Variants in KL observed in about 807,000 individuals in gnomAD.
KL encodes alpha-klotho.
Under a neutral mutation model 84.2 loss-of-function variants are expected in KL, and 62 were observed. That is an observed-to-expected ratio of 0.74 (90% CI 0.60 to 0.91). The LOEUF (loss-of-function observed/expected upper bound fraction) is 0.91. Among genes scored for constraint, KL ranks in the 40% least tolerant of loss-of-function variants. The pLI is 0.00. For missense variants in KL, 1,261 were observed against 1,305.7 expected (o/e 0.97, Z 0.53); for synonymous variants, 528 against 528.0 (o/e 1.00, Z 0.00).
At position 33,017,206 on chromosome 13, in the gene KL, G is replaced by C. The variant is rs747760000; in HGVS notation, c.766G>C (p.Gly256Arg). 1 of 1,595,070 alleles carries C rather than the reference G, an allele frequency of 6.3e-7. No individual in the cohort carries two copies. The highest frequency in any genetic ancestry group is 8.5e-7 in the Non-Finnish European group (1 of 1,177,844). Residue 256 changes from glycine (G) to arginine (R), a missense_variant, in exon 1 of 5, where the codon GGC becomes CGC. Transcript: ENST00000380099. ...HGYATGRLAP[G>R]IRGSPRLGYL... ...CTACGCCACCGGGCGCCTGGCCCCC[G>C]GCATCCGGGGCAGCCCGCGGCTCGG...
chr13:33,023,287 A>C (rs1241990856), intron 1 of KL, among the ~76,000 whole-genome samples: 3 of 152,222 alleles, frequency 2.0e-5, no homozygotes, highest in Non-Finnish European at 4.4e-5. Flanking sequence ...TGAGAATTAA[A>C]AGCACCTTAT....
In KL at chr13:33,061,276, G is replaced by A. The variant is rs1872184762; in HGVS notation, c.2197G>A (p.Asp733Asn). Residue 733 changes from aspartate (D) to asparagine (N), a missense_variant, in exon 4 of 5, where the codon GAT becomes AAT. Coordinates refer to ENST00000380099, the MANE Select transcript of KL (RefSeq NM_004795.4). Reference sequence around the variant, plus strand: ...GAAAATATCCATAGCCTTGCAGGCTGATTGGATAGAACCTGCCTGCCCTTT... The same window carrying A: ...GAAAATATCCATAGCCTTGCAGGCTAATTGGATAGAACCTGCCTGCCCTTT... Reference protein sequence around the residue: ...NGKISIALQADWIEPACPFSQ... With the variant: ...NGKISIALQANWIEPACPFSQ... 1 of 1,614,228 alleles carries A rather than the reference G, an allele frequency of 6.2e-7. No individual in the cohort carries two copies. Among genetic ancestry groups the A allele is most frequent in the Non-Finnish European group, 8.5e-7 (1 of 1,180,042 alleles).
chr13:33,024,670 C>G (rs1030611857), intron 1 of KL, among the ~76,000 whole-genome samples: 13 of 152,220 alleles, frequency 8.5e-5, no homozygotes, highest in African/African-American at 2.9e-4. Context: ...GGATGCTGCT[C>G]TTCCCCGCCT....
At chr13:33,022,197 C>T (rs982082754) in intron 1 of KL, among the ~76,000 whole-genome samples, 4 of 152,224 alleles carry the variant, frequency 2.6e-5, no homozygotes, top group African/African-American at 9.6e-5. Flanking sequence ...GTCAATGCAC[C>T]TTCTCAGGTG....
intron 1 of KL, among the ~76,000 whole-genome samples, chr13:33,025,388 G>A (rs1233324282): frequency 4.6e-5 from 7 of 152,172 alleles, no homozygotes; most frequent in Admixed American, 4.6e-4. Context: ...TTAATGAATG[G>A]GCACAGCTGT....
In KL at chr13:33,017,139, C is replaced by G; in HGVS notation, c.699C>G (p.Tyr233Ter). The G allele has an allele frequency of 6.2e-7, 1 of 1,603,016 alleles. No individual in the cohort carries two copies. The highest frequency in any genetic ancestry group is 8.5e-7 in the Non-Finnish European group (1 of 1,179,796). Residue 233 changes from tyrosine to a stop codon, truncating the protein, a stop_gained, in exon 1 of 5, where the codon TAC becomes TAG. Coordinates refer to ENST00000380099, the MANE Select transcript of KL (RefSeq NM_004795.4). LOFTEE classifies it high-confidence loss of function. ...GCCACTTCGGCGGTCAGGTCAAGTA[C>G]TGGATCACCATCGACAACCCCTACG... ...CFRHFGGQVK[Y>*]WITIDNPYVV...
At position 33,038,084 on chromosome 13, in the gene KL, AATGCAT is replaced by A. The variant is rs1593797276; in HGVS notation, c.820-15682_820-15677del. ...TTCCACATCCAGCTGTTCACATTCT[AATGCAT>A]TCTGCAATGGATGATTTTGAGCATA... On this transcript the variant is annotated intron_variant, in intron 1 of 4. Coordinates refer to ENST00000380099, the MANE Select transcript of KL (RefSeq NM_004795.4). 2.0e-5 allele frequency among the ~76,000 whole-genome samples: 3 copies of A among 152,334 alleles called. No individual in the cohort carries two copies. The East Asian group carries it at 5.8e-4, about 29-fold the overall frequency.
chr13:33,045,550 G>A (rs940839315), intron 1 of KL, among the ~76,000 whole-genome samples: 1 of 151,968 alleles, frequency 6.6e-6, no homozygotes. Flanking sequence ...GCGTGATCTC[G>A]GCTCATCACA....
At chr13:33,031,889 C>T (rs1870985287) in intron 1 of KL, among the ~76,000 whole-genome samples, 1 of 151,994 alleles carries the variant, frequency 6.6e-6, no homozygotes, top group Non-Finnish European at 1.5e-5. Flanking sequence ...AAACCCATAC[C>T]ACTGGATAAT....
At chr13:33,062,644 G>A (rs1872251780) in intron 4 of KL, among the ~76,000 whole-genome samples, 1 of 119,458 alleles carries the variant, frequency 8.4e-6, no homozygotes, top group Non-Finnish European at 1.6e-5. Context: ...TTGCACTCCA[G>A]CCTGGGTGAC....
chr13:33,016,820 A>G lies in KL; in HGVS notation c.380A>G (p.Asp127Gly), dbSNP rs777489022. ...CCCGCCACCGGGGACGTAGCCAGCG[A>G]CAGCTACAACAACGTCTTCCGCGAC... ...LQPATGDVAS[D>G]SYNNVFRDTE... The change falls in exon 1 of 5, where the codon GAC becomes GGC. Residue 127 changes from aspartate (D) to glycine (G), a missense_variant. Asp to Gly is a moderately conservative substitution (Grantham distance 94). Coordinates refer to ENST00000380099, the MANE Select transcript of KL (RefSeq NM_004795.4). 3 of 1,612,570 alleles carry G rather than the reference A, an allele frequency of 1.9e-6. No individual in the cohort carries two copies. Among genetic ancestry groups the G allele is most frequent in the Non-Finnish European group, 2.5e-6 (3 of 1,179,786 alleles).
At chr13:33,017,359 C>T in intron 1 of KL, 100 bp downstream of exon 1, 1 of 1,134,476 alleles carries the variant, frequency 8.8e-7, no homozygotes, top group South Asian at 1.6e-5. Flanking sequence ...CCAGACGAGG[C>T]TTCACTTGGA....
intron 1 of KL, among the ~76,000 whole-genome samples, chr13:33,018,200 T>A (rs1297663253): frequency 6.6e-6 from 1 of 152,212 alleles, no homozygotes; most frequent in African/African-American, 2.4e-5. Context: ...CACAATAAAA[T>A]ATTTTATGTA....
At chr13:33,044,949 A>G (rs1246514456) in intron 1 of KL, among the ~76,000 whole-genome samples, 1 of 152,156 alleles carries the variant, frequency 6.6e-6, no homozygotes, top group Non-Finnish European at 1.5e-5. Flanking sequence ...AATGAACAAC[A>G]AAGTTTGTTT....
At position 33,016,599 on chromosome 13, in the gene KL, C is replaced by A; in HGVS notation, c.159C>A (p.Ala53=). ...ARFSRPPAPE[A]AGLFQGTFPD... ...TCTCGCGGCCTCCTGCCCCCGAGGC[C>A]GCGGGCCTCTTCCAGGGCACCTTCC... The change falls in exon 1 of 5, where the codon GCC becomes GCA. Residue 53 remains alanine, a synonymous_variant. Coordinates refer to ENST00000380099, the MANE Select transcript of KL (RefSeq NM_004795.4). 6.6e-7 allele frequency: 1 copy of A among 1,512,100 alleles called. No homozygotes were observed. The highest frequency in any genetic ancestry group is 8.9e-7 in the Non-Finnish European group (1 of 1,129,694). The allele number at this position is 1,512,100 out of a possible 1,614,324, so 93.7% of individuals were successfully genotyped here. A position where few individuals can be genotyped will look rare whatever the true frequency, so the allele number is the denominator to read the frequency against.
At chr13:33,030,799 G>A (rs1474295218) in intron 1 of KL, among the ~76,000 whole-genome samples, 2 of 152,018 alleles carry the variant, frequency 1.3e-5, no homozygotes, top group Non-Finnish European at 2.9e-5. Context: ...AACTGAAACA[G>A]GAACCATCAG....
chr13:33,024,568 T>A (rs1870690898), intron 1 of KL, among the ~76,000 whole-genome samples: 1 of 152,304 alleles, frequency 6.6e-6, no homozygotes. Context: ...TTTGTAGGGC[T>A]CTTTTCGTGA....
chr13:33,025,735 G>A (rs996755254), intron 1 of KL, among the ~76,000 whole-genome samples: 1 of 152,102 alleles, frequency 6.6e-6, no homozygotes, highest in Non-Finnish European at 1.5e-5. Context: ...TGTTCATGCC[G>A]CCCAAGATTG....
chr13:33,033,737 G>A (rs1055200869), intron 1 of KL, among the ~76,000 whole-genome samples: 1 of 151,778 alleles, frequency 6.6e-6, no homozygotes, highest in Non-Finnish European at 1.5e-5. Context: ...CCCACTTTAC[G>A]AGCAGCGGAG....
Sources: gnomAD v4.1 joint callset for allele counts (sites outside exome capture counted in the v4.1 genomes callset) on GRCh38, gnomAD v4.1.1 for gene constraint, MANE v1.5 for transcripts, NCBI Gene and HGNC (gene_info 2026-07-23, HGNC 2026-07-21) for gene names.